The following KDM4C variants were observed in gnomAD, a reference collection of about 807,000 sequenced individuals.
KDM4C encodes lysine-specific demethylase 4C.
A neutral mutation model predicts 129.3 loss-of-function variants in KDM4C; 81 were observed. That is an observed-to-expected ratio of 0.63 (90% CI 0.52 to 0.75). The LOEUF (loss-of-function observed/expected upper bound fraction) is 0.75, where lower values mean the gene tolerates loss of function less well. Ranked by LOEUF, KDM4C falls within the 30% of genes least tolerant of loss-of-function variation. The pLI is 0.00. For synonymous variants in KDM4C, 573 were observed against 456.1 expected (o/e 1.26, Z -3.26); for missense variants, 1,457 against 1,304.0 (o/e 1.12, Z -1.81).
intron 17 of KDM4C, among the ~76,000 whole-genome samples, chr9:7,055,847 A>G (rs549413090): frequency 2.6e-5 from 4 of 152,318 alleles, no homozygotes; most frequent in African/African-American, 9.6e-5. Flanking sequence ...TGTTACAGCA[A>G]TGTTCGTGAG....
chr9:6,769,670 T>C (rs1020918993), intron 1 of KDM4C, among the ~76,000 whole-genome samples: 4 of 152,014 alleles, frequency 2.6e-5, no homozygotes, highest in African/African-American at 9.7e-5. Context: ...ACTCAAAGAG[T>C]TGTCAATGAG....
chr9:6,860,656 G>C (rs1840754547), intron 5 of KDM4C, among the ~76,000 whole-genome samples: 1 of 152,202 alleles, frequency 6.6e-6, no homozygotes, highest in Non-Finnish European at 1.5e-5. Flanking sequence ...ACTGTGAGAA[G>C]AGACATAGAG....
rs372428157 is a variant in KDM4C at position 6,792,233 on chromosome 9, C to G, written c.-17-739C>G. ...TGGCGGGTGCCTGTAATCCCAGCTA[C>G]TGGGGAGGCTGAGGCAGGAAAATCG... On this transcript the variant is annotated intron_variant, in intron 1 of 21. Transcript: ENST00000381309. 7.2e-5 allele frequency among the ~76,000 whole-genome samples: 11 copies of G among 151,988 alleles called. No homozygotes were observed. In the East Asian group the frequency reaches 2.1e-3, roughly 30 times the overall value.
chr9:6,947,421 A>G (rs893915000), intron 8 of KDM4C, among the ~76,000 whole-genome samples: 6 of 152,124 alleles, frequency 3.9e-5, no homozygotes, highest in Non-Finnish European at 8.8e-5. Flanking sequence ...CTTAATGCCT[A>G]TAAGAAGAGC....
intron 17 of KDM4C, among the ~76,000 whole-genome samples, chr9:7,070,463 A>C (rs1833040608): frequency 6.6e-6 from 1 of 152,176 alleles, no homozygotes; most frequent in African/African-American, 2.4e-5. Flanking sequence ...ATGAATATAC[A>C]TTTCAAAAAA....
intron 1 of KDM4C, among the ~76,000 whole-genome samples, chr9:6,740,836 C>CT (rs200876079): frequency 4.7e-5 from 6 of 128,528 alleles, no homozygotes; most frequent in African/African-American, 9.0e-5. Context: ...TAATTATTTT[C>CT]TTTTTTTTTG....
intron 15 of KDM4C, among the ~76,000 whole-genome samples, chr9:7,032,989 A>G (rs376398128): frequency 8.5e-5 from 13 of 152,168 alleles, no homozygotes; most frequent in South Asian, 2.1e-4. Context: ...CTTGAATTCA[A>G]TTTCCCAACT....
intron 18 of KDM4C, among the ~76,000 whole-genome samples, chr9:7,117,626 TACACACACACACAC>T (rs71315578): frequency 3.0e-4 from 44 of 147,018 alleles, no homozygotes; most frequent in African/African-American, 9.0e-4. Context: ...TGTTAATTTC[TACACACACACACAC>T]ACACACACAC....
At chr9:7,105,029 G>T (rs1209355515) in intron 18 of KDM4C, among the ~76,000 whole-genome samples, 2 of 152,086 alleles carry the variant, frequency 1.3e-5, no homozygotes, top group African/African-American at 2.4e-5. Context: ...ATTGTTTCAG[G>T]TTCCAAGTTG....
chr9:7,087,157 T>C (rs546157216), intron 17 of KDM4C, among the ~76,000 whole-genome samples: 2 of 151,866 alleles, frequency 1.3e-5, no homozygotes, highest in South Asian at 4.2e-4. Flanking sequence ...TACACAGTGA[T>C]GGGTTCTGAC....
rs189698210 is a variant in KDM4C at position 6,765,829 on chromosome 9, C to T, written c.-18+7626C>T. On this transcript the variant is annotated intron_variant, in intron 1 of 21. Transcript: ENST00000381309. ...AGGGGGATGGAGTCTTTCTCTGTCA[C>T]CCAGGCTGGAGTGCAGTGGTGTGAT... Among the ~76,000 whole-genome samples, 23 of 152,260 alleles carry T rather than the reference C, an allele frequency of 1.5e-4. No individual in the cohort carries two copies. In the East Asian group the frequency reaches 3.5e-3, roughly 23 times the overall value.
At chr9:6,736,378 TC>T (rs1457169824) in intron 1 of KDM4C, among the ~76,000 whole-genome samples, 1 of 152,120 alleles carries the variant, frequency 6.6e-6, no homozygotes, top group Non-Finnish European at 1.5e-5. Flanking sequence ...TGGCAGCCCC[TC>T]CCATCACAGG....
At chr9:6,811,474 C>T (rs753773865) in intron 3 of KDM4C, among the ~76,000 whole-genome samples, 5 of 152,090 alleles carry the variant, frequency 3.3e-5, no homozygotes, top group South Asian at 2.1e-4. Flanking sequence ...ATTGGTGCAC[C>T]GTCTGTAATG....
chr9:6,738,029 G>A (rs1286075945), intron 1 of KDM4C, among the ~76,000 whole-genome samples: 1 of 151,910 alleles, frequency 6.6e-6, no homozygotes, highest in African/African-American at 2.4e-5. Context: ...AGCTACTCAG[G>A]AGGCTGGGGC....
chr9:7,024,124 C>T (rs116026941), intron 15 of KDM4C, among the ~76,000 whole-genome samples: 129 of 152,176 alleles, frequency 8.5e-4, no homozygotes, highest in African/African-American at 2.9e-3. Flanking sequence ...ATGAAATGTT[C>T]TGTAAATATC....
rs147970788 is a variant in KDM4C, at chr9:6,839,837, A to C, written c.436-9670A>C. 5.2e-3 allele frequency among the ~76,000 whole-genome samples: 797 copies of C among 152,106 alleles called. 10 individuals carry two copies. Among genetic ancestry groups the C allele is most frequent in the African/African-American group, 0.018 (764 of 41,524 alleles). ...AGAATCGCTTGAACCTGGGAGGTGG[A>C]GGTTGCAGTGAGCAGAGATCGCGTC... is the stretch of plus-strand genomic sequence containing the variant. On this transcript the variant is annotated intron_variant, in intron 4 of 21. Coordinates refer to ENST00000381309, the MANE Select transcript of KDM4C (RefSeq NM_015061.6).
At chr9:6,998,829 A>G (rs563685273) in intron 12 of KDM4C, among the ~76,000 whole-genome samples, 17 of 152,232 alleles carry the variant, frequency 1.1e-4, no homozygotes, top group African/African-American at 4.1e-4. Flanking sequence ...ACAAACAACA[A>G]CAACAACAAC....
intron 5 of KDM4C, among the ~76,000 whole-genome samples, chr9:6,852,870 G>T (rs1224023340): frequency 2.0e-5 from 3 of 152,060 alleles, no homozygotes; most frequent in Non-Finnish European, 4.4e-5. Context: ...AGACTCTCTG[G>T]ACTATGTGCT....
intron 15 of KDM4C, among the ~76,000 whole-genome samples, chr9:7,017,934 G>T (rs1823978845): frequency 6.6e-6 from 1 of 152,114 alleles, no homozygotes; most frequent in African/African-American, 2.4e-5. Context: ...AGTGAAAGAA[G>T]GGATAAAAAT....
Sources: allele counts gnomAD v4.1 joint callset (sites outside exome capture counted in the v4.1 genomes callset), GRCh38; gene constraint gnomAD v4.1.1; transcripts MANE v1.5; gene names NCBI Gene and HGNC (gene_info 2026-07-23, HGNC 2026-07-21).